Variants in DNAH11 observed in about 807,000 individuals in gnomAD.
DNAH11 encodes the protein dynein axonemal heavy chain 11, also known as axonemal beta dynein heavy chain 11.
Under a neutral mutation model 526.0 loss-of-function variants are expected in DNAH11, and 442 were observed. The observed-to-expected ratio is 0.84, with a 90% CI of 0.78 to 0.91. The LOEUF is 0.91. Among genes scored for constraint, DNAH11 ranks in the 40% least tolerant of loss-of-function variants. The probability of loss-of-function intolerance (pLI) is 0.00; values close to 1 mark genes in which losing one functional copy is unlikely to be tolerated. For synonymous variants in DNAH11, 2,461 were observed against 1,935.9 expected, an observed-to-expected ratio of 1.27 and a Z score of -7.12; for missense variants, 6,989 against 5,448.7, an observed-to-expected ratio of 1.28 and a Z score of -8.90.
At chr7:21,692,537 T>C (rs1783677214) in intron 35 of DNAH11, among the ~76,000 whole-genome samples, 1 of 152,250 alleles carries the variant, frequency 6.6e-6, no homozygotes, top group Non-Finnish European at 1.5e-5. Flanking sequence ...TATTCTATTA[T>C]ATAGACCTAC....
chr7:21,558,693 T>TA, intron 2 of DNAH11, 109 bp from the exon 3 acceptor site: 1 of 597,088 alleles, frequency 1.7e-6, no homozygotes, highest in African/African-American at 2.6e-5. Context: ...TTGATATCAT[T>TA]GGATATTTAT....
chr7:21,720,035 G>T (rs1156475901), intron 43 of DNAH11, among the ~76,000 whole-genome samples: 1 of 152,206 alleles, frequency 6.6e-6, no homozygotes, highest in Admixed American at 6.5e-5. Flanking sequence ...GGTACATGAG[G>T]ACCGCCCAGC....
intron 61 of DNAH11, among the ~76,000 whole-genome samples, chr7:21,793,709 T>C (rs1369104213): frequency 6.6e-6 from 1 of 152,210 alleles, no homozygotes; most frequent in Non-Finnish European, 1.5e-5. Context: ...GTTTAGTTTA[T>C]CATTAATGTT....
At chr7:21,855,883 A>G (rs1177116681) in intron 68 of DNAH11, among the ~76,000 whole-genome samples, 1 of 152,190 alleles carries the variant, frequency 6.6e-6, no homozygotes, top group Non-Finnish European at 1.5e-5. Context: ...TTTGTTTATA[A>G]AAGTAGAAAG....
intron 28 of DNAH11, among the ~76,000 whole-genome samples, chr7:21,643,257 G>A (rs1191622139): frequency 6.6e-6 from 1 of 152,062 alleles, no homozygotes; most frequent in African/African-American, 2.4e-5. Context: ...AATAATATCA[G>A]TTTACCCTTT....
intron 48 of DNAH11, among the ~76,000 whole-genome samples, chr7:21,740,964 T>G (rs1785855896): frequency 6.6e-6 from 1 of 152,234 alleles, no homozygotes; most frequent in African/African-American, 2.4e-5. Flanking sequence ...ATGATTTGCA[T>G]TTTCCTAATG....
chr7:21,764,143 T>C (rs1264933616), intron 54 of DNAH11, among the ~76,000 whole-genome samples: 1 of 152,182 alleles, frequency 6.6e-6, no homozygotes, highest in East Asian at 1.9e-4. Flanking sequence ...TTAACAATCC[T>C]GTATCGTACA....
rs371370218 is a variant in DNAH11, at chr7:21,818,392, GC to G, written c.10691+54del. On this transcript the variant is annotated intron_variant, in intron 65 of 81. Transcript: ENST00000409508. Reference sequence around the variant, plus strand: ...ATATCTTGCTAAATGATTTTCAGCAGCAGCATCTCTTAGCTTCATAGTCAAG... The same window carrying G: ...ATATCTTGCTAAATGATTTTCAGCAGAGCATCTCTTAGCTTCATAGTCAAG... 1,037 of 1,565,534 alleles carry G rather than the reference GC, an allele frequency of 6.6e-4. 8 individuals are homozygous for G. In the African/African-American group the frequency reaches 0.013, roughly 19 times the overall value.
Position 21,784,470 on chromosome 7 carries a change from G to A in DNAH11, c.9527G>A (p.Cys3176Tyr), listed in dbSNP as rs1035004091. ...GAAGTGTTCCAGAAACAGAGAGAAT[G>A]TGAAGCTGACTTACTCAAGGCTGAG... Reference protein sequence around the residue: ...QTEVFQKQRECEADLLKAEPA... With the variant: ...QTEVFQKQREYEADLLKAEPA... The change falls in exon 58 of 82, where the codon TGT (cysteine) becomes TAT (tyrosine). Residue 3176 changes from cysteine to tyrosine, a missense_variant. Coordinates refer to ENST00000409508, the MANE Select transcript of DNAH11 (RefSeq NM_001277115.2). The A allele has an allele frequency of 1.2e-6, 2 of 1,613,566 alleles. No individual in the cohort carries two copies. The highest frequency in any genetic ancestry group is 1.7e-6 in the Non-Finnish European group (2 of 1,179,694).
At chr7:21,667,019 A>T (rs538409736) in intron 30 of DNAH11, among the ~76,000 whole-genome samples, 2 of 152,254 alleles carry the variant, frequency 1.3e-5, no homozygotes, top group South Asian at 4.1e-4. Flanking sequence ...CCAAACCTAT[A>T]AAAAGAGGAA....
Position 21,789,284 on chromosome 7 carries a change from C to G in DNAH11, c.9968C>G (p.Ala3323Gly). 2 of 1,578,820 alleles carry G rather than the reference C, an allele frequency of 1.3e-6. No individual in the cohort carries two copies. The highest frequency in any genetic ancestry group is 1.7e-6 in the Non-Finnish European group (2 of 1,161,822). The change falls in exon 61 of 82, where the codon GCA (alanine) becomes GGA (glycine). Residue 3323 changes from alanine (A) to glycine (G), a missense_variant. Physicochemically the swap from Ala to Gly is moderately conservative, Grantham distance 60 (BLOSUM62 0). Coordinates refer to ENST00000409508, the MANE Select transcript of DNAH11 (RefSeq NM_001277115.2). ...CCAAAACGCCAAGCATTAGCCCAAG[C>G]AAACTTAGAACTGGCTGCAGCTACT... is the stretch of plus-strand genomic sequence containing the variant. The part of the protein sequence containing the change: ...VEPKRQALAQ[A>G]NLELAAATEK...
chr7:21,654,706 G>A (rs1460679237), intron 28 of DNAH11, among the ~76,000 whole-genome samples: 1 of 152,146 alleles, frequency 6.6e-6, no homozygotes, highest in African/African-American at 2.4e-5. Flanking sequence ...GAATAACAAG[G>A]GAACATGTAT....
intron 63 of DNAH11, among the ~76,000 whole-genome samples, chr7:21,812,773 G>A (rs1448227348): frequency 1.3e-5 from 2 of 152,186 alleles, no homozygotes; most frequent in African/African-American, 4.8e-5. Flanking sequence ...CCAGCCTCCT[G>A]TTAAAATCAT....
Position 21,600,990 on chromosome 7 carries a change from T to A in DNAH11, c.3256-20T>A, listed in dbSNP as rs1376716123. 2 of 1,610,186 alleles carry A rather than the reference T, an allele frequency of 1.2e-6. No homozygotes were observed. Among genetic ancestry groups the A allele is most frequent in the East Asian group, 2.2e-5 (1 of 44,880 alleles). ...TGGCTTTTCACTGAGTTGTTCTAAT[T>A]AATCTTTTTCTCACTACAGATTGAC... is the stretch of plus-strand genomic sequence containing the variant. On this transcript the variant is annotated intron_variant, in intron 16 of 81. Transcript: ENST00000409508.
At chr7:21,549,497 G>A (rs533745455) in intron 2 of DNAH11, among the ~76,000 whole-genome samples, 4 of 152,232 alleles carry the variant, frequency 2.6e-5, no homozygotes, top group South Asian at 4.1e-4. Flanking sequence ...CAGGCAAATG[G>A]GGGGGTTGAG....
At chr7:21,634,880 T>C (rs567934173) in intron 25 of DNAH11, among the ~76,000 whole-genome samples, 2 of 152,330 alleles carry the variant, frequency 1.3e-5, no homozygotes, top group African/African-American at 2.4e-5. Flanking sequence ...TGGGCAGATA[T>C]GTAATGCTGT....
chr7:21,643,371 G>A (rs892500160), intron 28 of DNAH11, among the ~76,000 whole-genome samples: 1 of 152,204 alleles, frequency 6.6e-6, no homozygotes, highest in South Asian at 2.1e-4. Context: ...AGGTCTTTTT[G>A]TCTGAGAACA....
intron 2 of DNAH11, among the ~76,000 whole-genome samples, chr7:21,556,759 AAT>A (rs1783235816): frequency 6.6e-6 from 1 of 152,082 alleles, no homozygotes; most frequent in South Asian, 2.1e-4. Context: ...CCTAGTTATT[AAT>A]ATAAGTGAGA....
At chr7:21,775,151 A>G (rs3926905) in intron 56 of DNAH11, among the ~76,000 whole-genome samples, 50,150 of 152,002 alleles carry the variant, frequency 0.33, 9,323 homozygotes, top group African/African-American at 0.47. Context: ...TGACTCTGTG[A>G]CAAAACACTG....
Sources: gnomAD v4.1 joint callset for allele counts (sites outside exome capture counted in the v4.1 genomes callset) on GRCh38, gnomAD v4.1.1 for gene constraint, MANE v1.5 for transcripts, NCBI Gene and HGNC (gene_info 2026-07-23, HGNC 2026-07-21) for gene names.